Variants in LINGO2 observed in about 807,000 individuals in gnomAD.
LINGO2 encodes the protein leucine rich repeat and Ig domain containing 2, also known as leucine-rich repeat and immunoglobulin-like domain-containing nogo receptor-interacting protein 2.
Under a neutral mutation model 30.6 loss-of-function variants are expected in LINGO2, and 14 were observed. The ratio of observed to expected loss-of-function variants is 0.46; its 90% CI spans 0.30 to 0.72. The LOEUF (loss-of-function observed/expected upper bound fraction) is 0.72, where lower values mean the gene tolerates loss of function less well. Among genes scored for constraint, LINGO2 ranks in the 30% least tolerant of loss-of-function variants. The pLI is 0.07. For missense variants in LINGO2, 729 were observed against 751.7 expected (o/e 0.97, Z 0.35); for synonymous variants, 317 against 288.5 (o/e 1.10, Z -1.00).
the LINGO2 span, among the ~76,000 whole-genome samples, chr9:28,867,381 A>T: frequency 6.6e-6 from 1 of 152,108 alleles, no homozygotes; most frequent in Admixed American, 6.6e-5. Context: ...GAAAATAAAC[A>T]ATGCAAGTCA....
intron 1 of LINGO2, among the ~76,000 whole-genome samples, chr9:28,530,616 G>T (rs1821196390): frequency 6.6e-6 from 1 of 152,228 alleles, no homozygotes; most frequent in African/African-American, 2.4e-5. Flanking sequence ...AGCCTTTATG[G>T]AGAAATGGGT....
the LINGO2 span, among the ~76,000 whole-genome samples, chr9:28,772,179 T>G: frequency 6.6e-6 from 1 of 152,218 alleles, no homozygotes; most frequent in Admixed American, 6.5e-5. Flanking sequence ...AATTGGCAGT[T>G]GGTTTATACA....
chr9:28,397,843 G>A (rs796451420), intron 2 of LINGO2, among the ~76,000 whole-genome samples: 9 of 152,098 alleles, frequency 5.9e-5, no homozygotes, highest in South Asian at 4.1e-4. Flanking sequence ...CACCATACCC[G>A]GCCAATAGAT....
intron 4 of LINGO2, among the ~76,000 whole-genome samples, chr9:28,241,971 C>T (rs890947527): frequency 3.9e-5 from 6 of 152,000 alleles, no homozygotes; most frequent in African/African-American, 1.4e-4. Context: ...CAAGGGTCAA[C>T]AGCCTCAAAG....
chr9:28,435,428 C>T (rs1169614146), intron 2 of LINGO2, among the ~76,000 whole-genome samples: 2 of 152,064 alleles, frequency 1.3e-5, no homozygotes, highest in African/African-American at 4.8e-5. Context: ...AATTGTGATG[C>T]CTCATATTTC....
At chr9:29,067,802 A>C in the LINGO2 span, among the ~76,000 whole-genome samples, 5 of 151,338 alleles carry the variant, frequency 3.3e-5, no homozygotes, top group African/African-American at 1.2e-4. Flanking sequence ...ATTTTTAAGA[A>C]ACAAAGGTCA....
At chr9:28,973,335 C>A in the LINGO2 span, among the ~76,000 whole-genome samples, 1 of 152,220 alleles carries the variant, frequency 6.6e-6, no homozygotes. Context: ...TGTCTGGAAG[C>A]AGAGTTTTCA....
intron 4 of LINGO2, among the ~76,000 whole-genome samples, chr9:28,283,677 C>G (rs894289383): frequency 3.3e-5 from 5 of 152,132 alleles, no homozygotes; most frequent in African/African-American, 1.2e-4. Context: ...ACATTCCTTT[C>G]TATGTCTCAG....
At chr9:28,920,001 T>C in the LINGO2 span, among the ~76,000 whole-genome samples, 1 of 152,148 alleles carries the variant, frequency 6.6e-6, no homozygotes, top group Non-Finnish European at 1.5e-5. Flanking sequence ...ATTGTTACAC[T>C]GTAGTTTATT....
At chr9:28,475,660 A>C (rs1034318173) in intron 2 of LINGO2, among the ~76,000 whole-genome samples, 1 of 152,196 alleles carries the variant, frequency 6.6e-6, no homozygotes. Flanking sequence ...ACCAGACAAC[A>C]ACAATAATCT....
chr9:29,013,410 C>G, the LINGO2 span, among the ~76,000 whole-genome samples: 3 of 151,418 alleles, frequency 2.0e-5, no homozygotes, highest in African/African-American at 7.3e-5. Flanking sequence ...TCATGGCTCA[C>G]TTTATAGCTC....
At chr9:28,993,787 T>A in the LINGO2 span, among the ~76,000 whole-genome samples, 1 of 151,816 alleles carries the variant, frequency 6.6e-6, no homozygotes, top group African/African-American at 2.4e-5. Context: ...TCTCAATAGA[T>A]GCAAAAAAGG....
chr9:28,482,874 C>T (rs1013739339), intron 1 of LINGO2, among the ~76,000 whole-genome samples: 1 of 152,038 alleles, frequency 6.6e-6, no homozygotes, highest in Non-Finnish European at 1.5e-5. Flanking sequence ...AAACGTTAGA[C>T]CTAAAATCAT....
At chr9:28,632,752 C>CTATATATAGATCTATA (rs1827030909) in intron 1 of LINGO2, among the ~76,000 whole-genome samples, 1 of 106,930 alleles carries the variant, frequency 9.4e-6, no homozygotes, top group Non-Finnish European at 1.9e-5. Context: ...ATATATAGAT[C>CTATATATAGATCTATA]TATATATATA....
the LINGO2 span, among the ~76,000 whole-genome samples, chr9:29,210,448 T>C: frequency 3.9e-5 from 6 of 152,194 alleles, no homozygotes; most frequent in South Asian, 8.3e-4. Context: ...ATATATAAGT[T>C]GTACCTATAT....
At chr9:28,371,462 G>C (rs2134570270) in intron 3 of LINGO2, among the ~76,000 whole-genome samples, 1 of 152,220 alleles carries the variant, frequency 6.6e-6, no homozygotes. Context: ...ATTCTGAGAG[G>C]GGCAAGGTAA....
chr9:28,187,728 T>C (rs1819593260), intron 4 of LINGO2, among the ~76,000 whole-genome samples: 1 of 152,154 alleles, frequency 6.6e-6, no homozygotes, highest in Non-Finnish European at 1.5e-5. Context: ...GAGTTATATA[T>C]CTTTTGTGTT....
At chr9:29,205,722 A>G in the LINGO2 span, among the ~76,000 whole-genome samples, 1 of 152,128 alleles carries the variant, frequency 6.6e-6, no homozygotes, top group African/African-American at 2.4e-5. Flanking sequence ...TTGGGTTTTT[A>G]ACAACTGATT....
rs538803502 is a variant in LINGO2, at chr9:28,101,042, AT to A, written c.-86-88638del. Reference sequence around the variant, plus strand: ...CTTTGAATATCTTCTAAAATTACACATTTTTTTTTTCAATTTTAGGGGAATA... The same window carrying A: ...CTTTGAATATCTTCTAAAATTACACATTTTTTTTTCAATTTTAGGGGAATA... On this transcript the variant is annotated intron_variant, in intron 4 of 5. Transcript: ENST00000379992. Among the ~76,000 whole-genome samples, 496 of 149,260 alleles carry A rather than the reference AT, an allele frequency of 3.3e-3. 1 individual carries two copies. The highest frequency in any genetic ancestry group is 0.011 in the African/African-American group (433 of 40,644).
Sources: gnomAD v4.1 joint callset for allele counts (sites outside exome capture counted in the v4.1 genomes callset) on GRCh38, gnomAD v4.1.1 for gene constraint, MANE v1.5 for transcripts, NCBI Gene and HGNC (gene_info 2026-07-23, HGNC 2026-07-21) for gene names.